The following GRM5 variants were observed in gnomAD, a reference collection of about 807,000 sequenced individuals.
GRM5 encodes the protein glutamate metabotropic receptor 5, also known as metabotropic glutamate receptor 5.
In GRM5, 19 loss-of-function variants were observed where a neutral mutation model predicts 83.1. That is an observed-to-expected ratio of 0.23 (90% CI 0.16 to 0.34). The LOEUF (loss-of-function observed/expected upper bound fraction) is 0.34, where lower values mean the gene tolerates loss of function less well. Among genes scored for constraint, GRM5 ranks in the 10% least tolerant of loss-of-function variants. The probability of loss-of-function intolerance (pLI) is 1.00; values close to 1 mark genes in which losing one functional copy is unlikely to be tolerated. For synonymous variants in GRM5, 675 were observed against 633.6 expected (o/e 1.07, Z -0.98); for missense variants, 1,160 against 1,588.3 (o/e 0.73, Z 4.58).
intron 2 of GRM5, among the ~76,000 whole-genome samples, chr11:88,885,941 G>C (rs867227437): frequency 1.1e-4 from 16 of 152,136 alleles, no homozygotes; most frequent in African/African-American, 2.7e-4. Context: ...CATGTATACT[G>C]TAAAGAGCAG....
intron 3 of GRM5, among the ~76,000 whole-genome samples, chr11:88,830,969 A>G (rs1943980762): frequency 6.6e-6 from 1 of 152,094 alleles, no homozygotes; most frequent in Non-Finnish European, 1.5e-5. Context: ...ACTTAGCATC[A>G]TGAGAACAGC....
At chr11:88,898,297 G>A (rs1429669460) in intron 2 of GRM5, among the ~76,000 whole-genome samples, 1 of 151,692 alleles carries the variant, frequency 6.6e-6, no homozygotes, top group Non-Finnish European at 1.5e-5. Flanking sequence ...TAATAATAAT[G>A]TTTAACTCAG....
chr11:89,011,828 A>G (rs1382541092), intron 2 of GRM5, among the ~76,000 whole-genome samples: 5 of 152,162 alleles, frequency 3.3e-5, no homozygotes, highest in African/African-American at 4.8e-5. Context: ...ATTACTCTTA[A>G]TCTATCTACA....
intron 3 of GRM5, among the ~76,000 whole-genome samples, chr11:88,714,716 C>G (rs1174686009): frequency 1.3e-5 from 2 of 151,862 alleles, no homozygotes; most frequent in African/African-American, 2.4e-5. Flanking sequence ...CAGAATTAGT[C>G]TGGACTCATG....
At chr11:88,941,488 AGGGGAGAGGAGGGGAGAGG>A (rs1938099245) in intron 2 of GRM5, among the ~76,000 whole-genome samples, 2 of 96,712 alleles carry the variant, frequency 2.1e-5, no homozygotes, top group African/African-American at 9.7e-5. Flanking sequence ...AGGGGAGAGG[AGGGGAGAGGAGGGGAGAGG>A]AGGGGAGAGG....
intron 4 of GRM5, among the ~76,000 whole-genome samples, chr11:88,610,464 A>G (rs541514731): frequency 6.6e-6 from 1 of 151,992 alleles, no homozygotes; most frequent in South Asian, 2.1e-4. Flanking sequence ...GTTATTCCTT[A>G]TTATTATTTT....
intron 2 of GRM5, among the ~76,000 whole-genome samples, chr11:88,998,772 T>A (rs1456216475): frequency 1.3e-5 from 2 of 152,188 alleles, no homozygotes; most frequent in Non-Finnish European, 2.9e-5. Context: ...TCAAATGTAT[T>A]TTTATATACT....
chr11:88,859,230 A>C (rs1298556050), intron 2 of GRM5, among the ~76,000 whole-genome samples: 1 of 152,068 alleles, frequency 6.6e-6, no homozygotes, highest in Admixed American at 6.6e-5. Flanking sequence ...AACTTTTTTG[A>C]GACACTTGGC....
intron 3 of GRM5, among the ~76,000 whole-genome samples, chr11:88,735,427 C>T (rs1268466845): frequency 6.6e-6 from 1 of 151,958 alleles, no homozygotes; most frequent in Admixed American, 6.6e-5. Flanking sequence ...TTTGTTTGTC[C>T]CTGTTGCTAT....
chr11:88,964,245 C>T (rs1938876284), intron 2 of GRM5, among the ~76,000 whole-genome samples: 1 of 152,124 alleles, frequency 6.6e-6, no homozygotes, highest in South Asian at 2.1e-4. Context: ...ATTGGAGCCA[C>T]CACAATAGCA....
chr11:88,897,993 C>A (rs2135592657), intron 2 of GRM5, among the ~76,000 whole-genome samples: 1 of 152,106 alleles, frequency 6.6e-6, no homozygotes, highest in South Asian at 2.1e-4. Context: ...TGCCTTAGAA[C>A]AACAGAAATA....
chr11:88,740,099 T>C (rs1237069107), intron 3 of GRM5, among the ~76,000 whole-genome samples: 1 of 152,086 alleles, frequency 6.6e-6, no homozygotes, highest in Non-Finnish European at 1.5e-5. Context: ...AGTATAAGTT[T>C]ACTATTTTTA....
chr11:88,513,738 G>GA (rs998693957), intron 9 of GRM5, among the ~76,000 whole-genome samples: 2 of 150,618 alleles, frequency 1.3e-5, no homozygotes, highest in East Asian at 3.9e-4. Flanking sequence ...TTCTTTATTG[G>GA]AAAAAAAGAA....
At position 89,015,143 on chromosome 11, in the gene GRM5, T is replaced by G. The variant is rs552856740; in HGVS notation, c.661+32069A>C. ...ATTTATTTGAACTTGGACTCGTCACTTAGCCTGGTTGAACTTCAAATCCTT... is the reference window on the plus strand; with the variant it reads ...ATTTATTTGAACTTGGACTCGTCACGTAGCCTGGTTGAACTTCAAATCCTT... On this transcript the variant is annotated intron_variant, in intron 2 of 9. Coordinates refer to ENST00000305447, the MANE Select transcript of GRM5 (RefSeq NM_001143831.3). Among the ~76,000 whole-genome samples, 62 of 152,344 alleles carry G rather than the reference T, an allele frequency of 4.1e-4. 1 individual carries two copies. Among genetic ancestry groups the G allele is most frequent in the African/African-American group, 1.2e-3 (50 of 41,578 alleles).
intron 3 of GRM5, among the ~76,000 whole-genome samples, chr11:88,769,766 AAATT>A (rs1161275390): frequency 6.6e-6 from 1 of 152,176 alleles, no homozygotes; most frequent in East Asian, 1.9e-4. Flanking sequence ...AAAATCGAAT[AAATT>A]AATAAGTGGA....
At chr11:88,663,332 T>A (rs529298041) in intron 3 of GRM5, among the ~76,000 whole-genome samples, 1 of 152,314 alleles carries the variant, frequency 6.6e-6, no homozygotes, top group Non-Finnish European at 1.5e-5. Flanking sequence ...GCTCCAGGGA[T>A]GCTTCCACGT....
At chr11:88,840,718 T>G (rs1158773519) in intron 3 of GRM5, among the ~76,000 whole-genome samples, 3 of 152,220 alleles carry the variant, frequency 2.0e-5, no homozygotes, top group Non-Finnish European at 1.5e-5. Context: ...ATCCTTTCCA[T>G]AGAGTACTGT....
intron 2 of GRM5, among the ~76,000 whole-genome samples, chr11:88,974,348 C>A (rs1939259301): frequency 6.6e-6 from 1 of 151,070 alleles, no homozygotes; most frequent in South Asian, 2.1e-4. Flanking sequence ...AGTTGGCTAA[C>A]AAACAGTGTT....
At chr11:88,876,143 C>T (rs559800513) in intron 2 of GRM5, among the ~76,000 whole-genome samples, 3 of 152,210 alleles carry the variant, frequency 2.0e-5, no homozygotes, top group East Asian at 1.9e-4. Flanking sequence ...TGTATTGTTT[C>T]GTGTAACCAC....
Sources: allele counts gnomAD v4.1 joint callset (sites outside exome capture counted in the v4.1 genomes callset), GRCh38; gene constraint gnomAD v4.1.1; transcripts MANE v1.5; gene names NCBI Gene and HGNC (gene_info 2026-07-23, HGNC 2026-07-21).